Variants in ACSBG2 observed in about 807,000 individuals in gnomAD.
ACSBG2 encodes the protein acyl-CoA synthetase bubblegum family member 2.
A neutral mutation model predicts 74.7 loss-of-function variants in ACSBG2; 62 were observed. The ratio of observed to expected loss-of-function variants is 0.83; its 90% CI spans 0.68 to 1.03. The LOEUF is 1.03. ACSBG2 is among the 50% of genes least tolerant of loss of function. The pLI is 0.00. For synonymous variants in ACSBG2, 309 were observed against 294.1 expected, an observed-to-expected ratio of 1.05 and a Z score of -0.52; for missense variants, 730 against 817.6, an observed-to-expected ratio of 0.89 and a Z score of 1.31.
In ACSBG2 at chr19:6,183,240, G is replaced by A. The variant is rs369985460; in HGVS notation, c.1290G>A (p.Thr430=). 6.3e-5 allele frequency: 102 copies of A among 1,614,132 alleles called. No homozygotes were observed. In the Admixed American group the frequency reaches 8.8e-4, roughly 14 times the overall value. Residue 430 remains threonine, a synonymous_variant, in exon 10 of 15, where the codon ACG becomes ACA. Coordinates refer to ENST00000588485, the MANE Select transcript of ACSBG2 (RefSeq NM_030924.5). ...TGAGTGAGAGCTCGGGACCCCACAC[G>A]ATATCCAACCAGAATAACTACAGGC... The part of the protein sequence containing the change: ...YGLSESSGPH[T]ISNQNNYRLL...
chr19:6,188,151 C>T (rs1218081941), intron 13 of ACSBG2, among the ~76,000 whole-genome samples: 1 of 152,196 alleles, frequency 6.6e-6, no homozygotes. Context: ...AGGGCCTTTG[C>T]ACCTGCCAGT....
At chr19:6,150,340 C>CAAA (rs780596761) in intron 3 of ACSBG2, among the ~76,000 whole-genome samples, 36 of 68,392 alleles carry the variant, frequency 5.3e-4, no homozygotes, top group African/African-American at 1.2e-3. Context: ...GGATATTTAA[C>CAAA]AAAAAAAAAA....
chr19:6,170,224 T>C (rs891442893), intron 7 of ACSBG2, among the ~76,000 whole-genome samples: 1 of 152,176 alleles, frequency 6.6e-6, no homozygotes, highest in African/African-American at 2.4e-5. Flanking sequence ...AGGTTTGTCA[T>C]AGACAGCTCT....
intron 5 of ACSBG2, among the ~76,000 whole-genome samples, chr19:6,159,740 C>CTAG (rs1435162507): frequency 7.9e-5 from 12 of 152,152 alleles, no homozygotes; most frequent in Non-Finnish European, 1.8e-4. Flanking sequence ...TAAATAAACT[C>CTAG]CAAACTCCTC....
chr19:6,189,512 G>T (rs192132505), intron 13 of ACSBG2, among the ~76,000 whole-genome samples: 1 of 151,814 alleles, frequency 6.6e-6, no homozygotes, highest in East Asian at 1.9e-4. Flanking sequence ...GAAGTGACTT[G>T]TCCCACTGAG....
At chr19:6,158,728 G>T (rs538135322) in intron 5 of ACSBG2, among the ~76,000 whole-genome samples, 65 of 151,984 alleles carry the variant, frequency 4.3e-4, no homozygotes, top group Non-Finnish European at 7.6e-4. Context: ...GGCATTCTCT[G>T]ATCACTACTG....
intron 10 of ACSBG2, among the ~76,000 whole-genome samples, chr19:6,185,044 T>A (rs1336740137): frequency 6.6e-6 from 1 of 151,942 alleles, no homozygotes; most frequent in East Asian, 1.9e-4. Context: ...CACCTCAGCC[T>A]CCCAAGTAGC....
At chr19:6,145,153 C>G (rs1263050281) in intron 2 of ACSBG2, among the ~76,000 whole-genome samples, 1 of 152,028 alleles carries the variant, frequency 6.6e-6, no homozygotes, top group Non-Finnish European at 1.5e-5. Context: ...AATCCCAGCA[C>G]TTTGGGAAGC....
chr19:6,146,175 A>G (rs2089023805), intron 2 of ACSBG2, among the ~76,000 whole-genome samples: 1 of 152,252 alleles, frequency 6.6e-6, no homozygotes, highest in Non-Finnish European at 1.5e-5. Context: ...AAATGCATCA[A>G]AAAATCAGAT....
chr19:6,156,640 T>G (rs2089431182), intron 5 of ACSBG2, 89 bp downstream of exon 5: 2 of 1,370,794 alleles, frequency 1.5e-6, no homozygotes, highest in Non-Finnish European at 1.9e-6. Flanking sequence ...AGGTAAATTC[T>G]AATGATAAGA....
intron 7 of ACSBG2, among the ~76,000 whole-genome samples, chr19:6,168,390 C>G (rs1426417438): frequency 6.6e-6 from 1 of 152,166 alleles, no homozygotes. Context: ...AATAAACCAC[C>G]CCATTACTAC....
intron 5 of ACSBG2, among the ~76,000 whole-genome samples, chr19:6,158,455 T>C (rs1320576520): frequency 6.6e-6 from 1 of 150,624 alleles, no homozygotes; most frequent in Non-Finnish European, 1.5e-5. Context: ...TTTTTTTTTT[T>C]CATTGTAGTG....
rs975674636 is a variant in ACSBG2, at chr19:6,174,637, C to T, written c.739-2592C>T. Among the ~76,000 whole-genome samples the T allele has an allele frequency of 1.3e-5, 2 of 152,146 alleles. No homozygotes were observed. Among genetic ancestry groups the T allele is most frequent in the African/African-American group, 4.8e-5 (2 of 41,426 alleles). On this transcript the variant is annotated intron_variant, in intron 7 of 14. Coordinates refer to ENST00000588485, the MANE Select transcript of ACSBG2 (RefSeq NM_030924.5). The surrounding 1 kb of genome is among the most constrained non-coding windows in gnomAD (Gnocchi z 4.2). ...AGAAGGCTGGGAAACACAGCAAGAC[C>T]TCATCTCTACAAAAATGTTTTAAAA...
Position 6,187,794 on chromosome 19 carries a change from GAA to G in ACSBG2, c.1879_1880del (p.Lys627ValfsTer22). On this transcript the variant is annotated frameshift_variant, in exon 13 of 15. Coordinates refer to ENST00000588485, the MANE Select transcript of ACSBG2 (RefSeq NM_030924.5). LOFTEE classifies it high-confidence loss of function. ...AGCCATGAACAATGCACAGAGGATT[GAA>G]AAGTGGGTCATCTTGGAGAAGGACT... ...QEAMNNAQRIEKWVILEKDFS... is the reference protein window; with the variant it reads ...QEAMNNAQRIXKWVILEKDFS... 6.2e-7 allele frequency: 1 copy of G among 1,614,062 alleles called. No homozygotes were observed. The highest frequency in any genetic ancestry group is 8.5e-7 in the Non-Finnish European group (1 of 1,180,038).
At position 6,147,596 on chromosome 19, in the gene ACSBG2, A is replaced by G. The variant is rs1363378491; in HGVS notation, c.218A>G (p.Lys73Arg). Residue 73 changes from lysine (K) to arginine (R), a missense_variant, in exon 3 of 15, where the codon AAG (lysine) becomes AGG (arginine). Transcript: ENST00000588485. ...RFGTYPALAS[K>R]NGKKWEILNF... Reference sequence around the variant, plus strand: ...GGAACTTATCCAGCCCTCGCATCCAAGAATGGCAAAAAGTGGGAAATTCTG... The same window carrying G: ...GGAACTTATCCAGCCCTCGCATCCAGGAATGGCAAAAAGTGGGAAATTCTG... 1.9e-6 allele frequency: 3 copies of G among 1,614,222 alleles called. No homozygotes were observed. The highest frequency in any genetic ancestry group is 2.2e-5 in the East Asian group (1 of 44,888).
intron 6 of ACSBG2, 35 bp downstream of exon 6, chr19:6,161,330 G>A: frequency 6.3e-7 from 1 of 1,575,750 alleles, no homozygotes; most frequent in Non-Finnish European, 8.6e-7. Flanking sequence ...GGAAAGGGGA[G>A]GGCGGGGCCT....
intron 7 of ACSBG2, among the ~76,000 whole-genome samples, chr19:6,173,509 G>A (rs1196825319): frequency 6.6e-6 from 1 of 152,124 alleles, no homozygotes; most frequent in Non-Finnish European, 1.5e-5. Context: ...ATTGTCAAAG[G>A]CGAGTGGGAA....
intron 5 of ACSBG2, among the ~76,000 whole-genome samples, chr19:6,158,050 C>CA (rs2145096869): frequency 9.9e-6 from 1 of 100,642 alleles, no homozygotes; most frequent in African/African-American, 3.9e-5. Context: ...TTACAATTTT[C>CA]TTTTTTTTTC....
intron 7 of ACSBG2, among the ~76,000 whole-genome samples, chr19:6,172,837 G>A (rs2089997340): frequency 6.6e-6 from 1 of 152,168 alleles, no homozygotes; most frequent in Non-Finnish European, 1.5e-5. Flanking sequence ...GAGGTAGCAG[G>A]AAGAGATCAT....
Sources: gnomAD v4.1 joint callset for allele counts (sites outside exome capture counted in the v4.1 genomes callset) on GRCh38, gnomAD v4.1.1 for gene constraint, Gnocchi (gnomAD v3.1) non-coding constraint, MANE v1.5 for transcripts, NCBI Gene and HGNC (gene_info 2026-07-23, HGNC 2026-07-21) for gene names.